Variants in NSD1 observed in about 807,000 individuals in gnomAD.
The protein encoded by NSD1 is nuclear receptor binding SET domain protein 1.
NSD1 carries 26 observed loss-of-function variants against 242.7 expected under a neutral mutation model. The observed-to-expected ratio is 0.11, with a 90% CI of 0.08 to 0.15. The LOEUF (loss-of-function observed/expected upper bound fraction) is 0.15, where lower values mean the gene tolerates loss of function less well. Ranked by LOEUF, NSD1 falls within the 10% of genes least tolerant of loss-of-function variation. The pLI, the probability that NSD1 is intolerant of heterozygous loss-of-function variation, is 1.00. For synonymous variants in NSD1, 1,106 were observed against 1,178.1 expected, an observed-to-expected ratio of 0.94 and a Z score of 1.25; for missense variants, 2,495 against 3,272.8, an observed-to-expected ratio of 0.76 and a Z score of 5.80.
At chr5:177,150,811 G>A (rs1369199473) in intron 2 of NSD1, among the ~76,000 whole-genome samples, 1 of 152,112 alleles carries the variant, frequency 6.6e-6, no homozygotes. Context: ...TGCTGTAATT[G>A]GAGTTGTTGG....
intron 6 of NSD1, among the ~76,000 whole-genome samples, chr5:177,236,978 A>G (rs1030582508): frequency 6.6e-6 from 1 of 152,118 alleles, no homozygotes; most frequent in Non-Finnish European, 1.5e-5. Flanking sequence ...TTGGGACCAA[A>G]GGTGCACACT....
chr5:177,260,653 A>C (rs1756930620), intron 14 of NSD1, among the ~76,000 whole-genome samples: 1 of 152,118 alleles, frequency 6.6e-6, no homozygotes, highest in Non-Finnish European at 1.5e-5. Flanking sequence ...TGTCCAGCAG[A>C]ACTTTTTAAA....
At chr5:177,229,524 A>G (rs766981272) in intron 5 of NSD1, among the ~76,000 whole-genome samples, 1 of 152,180 alleles carries the variant, frequency 6.6e-6, no homozygotes, top group Admixed American at 6.5e-5. Context: ...CCAAAAGGTC[A>G]TATTCCTCCT....
intron 16 of NSD1, among the ~76,000 whole-genome samples, chr5:177,271,527 C>G (rs1044368389): frequency 6.6e-6 from 1 of 152,128 alleles, no homozygotes; most frequent in Non-Finnish European, 1.5e-5. Context: ...ATAGTAGGGC[C>G]AGAATCTAAC....
rs547461956 is a variant in NSD1, at chr5:177,139,907, G to A, written c.927+3877G>A. Among the ~76,000 whole-genome samples the A allele has an allele frequency of 8.7e-5, 13 of 149,548 alleles. No homozygotes were observed. The South Asian group carries it at 2.7e-3, about 31-fold the overall frequency. ...TGCAGTGAGCCATGATCATGCCACT[G>A]CATTCCAGCCTAGGCAACAGAGCAA... On this transcript the variant is annotated intron_variant, in intron 2 of 22. Transcript: ENST00000439151.
chr5:177,292,272 T>A, intron 22 of NSD1, 114 bp downstream of exon 22: 1 of 989,846 alleles, frequency 1.0e-6, no homozygotes, highest in Non-Finnish European at 1.6e-6. Context: ...ATGCATAATT[T>A]TGAGGGGTAT....
At chr5:177,198,998 A>G (rs986152995) in intron 3 of NSD1, among the ~76,000 whole-genome samples, 2 of 152,250 alleles carry the variant, frequency 1.3e-5, no homozygotes, top group Non-Finnish European at 2.9e-5. Flanking sequence ...TTTCATATGT[A>G]GTAGGTCCCC....
chr5:177,193,049 A>G (rs977690856), intron 3 of NSD1, among the ~76,000 whole-genome samples: 3 of 152,052 alleles, frequency 2.0e-5, no homozygotes, highest in Non-Finnish European at 4.4e-5. Context: ...TTTAAATGCT[A>G]TTGTTTGTTT....
intron 2 of NSD1, among the ~76,000 whole-genome samples, chr5:177,138,153 AC>A (rs754267254): frequency 2.6e-5 from 4 of 152,192 alleles, no homozygotes; most frequent in African/African-American, 9.6e-5. Flanking sequence ...ATAGTAGGTT[AC>A]ATGTCTAAAA....
At chr5:177,249,912 C>G (rs1478962620) in intron 11 of NSD1, among the ~76,000 whole-genome samples, 3 of 152,008 alleles carry the variant, frequency 2.0e-5, no homozygotes, top group Non-Finnish European at 4.4e-5. Context: ...ATGGTAAAAC[C>G]CTGTCTCTGC....
At chr5:177,190,831 A>T (rs7726321) in intron 2 of NSD1, among the ~76,000 whole-genome samples, 2 of 145,754 alleles carry the variant, frequency 1.4e-5, no homozygotes, top group Admixed American at 1.4e-4. Context: ...CACCATGCCC[A>T]GCTAATTTTT....
At chr5:177,176,210 G>C (rs1426768478) in intron 2 of NSD1, among the ~76,000 whole-genome samples, 1 of 151,892 alleles carries the variant, frequency 6.6e-6, no homozygotes, top group Non-Finnish European at 1.5e-5. Flanking sequence ...AGTGACTTCA[G>C]TGTTTTGAAA....
chr5:177,187,131 A>C (rs1761301323), intron 2 of NSD1, among the ~76,000 whole-genome samples: 1 of 120,784 alleles, frequency 8.3e-6, no homozygotes, highest in Non-Finnish European at 1.6e-5. Context: ...TTGAGCTGGA[A>C]TCTCACTCCG....
chr5:177,268,000 G>A (rs1453335880), intron 15 of NSD1, among the ~76,000 whole-genome samples: 4 of 148,444 alleles, frequency 2.7e-5, no homozygotes, highest in Admixed American at 6.8e-5. Context: ...ATCTCACAAG[G>A]CAGGCGCATT....
intron 10 of NSD1, among the ~76,000 whole-genome samples, chr5:177,247,248 G>C (rs1042425105): frequency 1.3e-5 from 2 of 152,144 alleles, no homozygotes; most frequent in African/African-American, 4.8e-5. Flanking sequence ...TCGCCAACAT[G>C]GTGAAACCTC....
rs1248311241 is a variant in NSD1 at position 177,297,016 on chromosome 5, T to TGGGA, written c.*1557_*1558insGGGA. The TGGGA allele has an allele frequency of 4.3e-6, 1 of 233,206 alleles. No individual in the cohort carries two copies. Among genetic ancestry groups the TGGGA allele is most frequent in the Non-Finnish European group, 8.5e-6 (1 of 118,046 alleles). The allele number at this position is 233,206 out of a possible 1,614,324, so 14.4% of individuals were successfully genotyped here. ...TTTGGTCCCAATTTCCTCAAGTTCT[T>TGGGA]ATTGAGGTTACTCCCATCAATTCCA... On this transcript the variant is annotated 3_prime_UTR_variant, in exon 23 of 23. Transcript: ENST00000439151.
In NSD1 at chr5:177,295,600, A is replaced by G; in HGVS notation, c.*141A>G. The G allele has an allele frequency of 1.1e-6, 1 of 890,508 alleles. No individual in the cohort carries two copies. Among genetic ancestry groups the G allele is most frequent in the Non-Finnish European group, 1.8e-6 (1 of 555,138 alleles). The allele number at this position is 890,508 out of a possible 1,614,324, so 55.2% of individuals were successfully genotyped here. ...ACTGTTATTCTTTCCTCATATCCCA[A>G]CACTCAGAACTCTTGTGACATTAGC... On this transcript the variant is annotated 3_prime_UTR_variant, in exon 23 of 23. Coordinates refer to ENST00000439151, the MANE Select transcript of NSD1 (RefSeq NM_022455.5). This position sits in a 1 kb window ranked among gnomAD's most constrained non-coding sequence, Gnocchi z 4.3.
At chr5:177,206,036 G>A (rs1762844516) in intron 4 of NSD1, among the ~76,000 whole-genome samples, 1 of 152,052 alleles carries the variant, frequency 6.6e-6, no homozygotes, top group African/African-American at 2.4e-5. Context: ...GTCTTGCTCT[G>A]TCACCCAGGC....
At position 177,238,348 on chromosome 5, in the gene NSD1, C is replaced by G. The variant is rs2149887420; in HGVS notation, c.4033C>G (p.Leu1345Val). 1 of 1,614,018 alleles carries G rather than the reference C, an allele frequency of 6.2e-7. No homozygotes were observed. The highest frequency in any genetic ancestry group is 8.5e-7 in the Non-Finnish European group (1 of 1,179,960). ...LISTKEEPPV[L>V]EREAPFLEGP... ...TTCAACCAAAGAAGAGCCTCCAGTT[C>G]TTGAAAGGGAGGCTCCGTTTTTGGA... Residue 1345 changes from leucine (L) to valine (V), a missense_variant, in exon 7 of 23, where the codon CTT becomes GTT. By Grantham distance (32) the Leu-to-Val change is conservative. Coordinates refer to ENST00000439151, the MANE Select transcript of NSD1 (RefSeq NM_022455.5). The surrounding 1 kb of genome is among the most constrained non-coding windows in gnomAD (Gnocchi z 4.6).
Sources: allele counts gnomAD v4.1 joint callset (sites outside exome capture counted in the v4.1 genomes callset), GRCh38; gene constraint gnomAD v4.1.1; non-coding constraint Gnocchi (gnomAD v3.1); transcripts MANE v1.5; gene names NCBI Gene and HGNC (gene_info 2026-07-23, HGNC 2026-07-21).